Variants in MARCHF1 observed in about 807,000 individuals in gnomAD.
MARCHF1 encodes membrane associated ring-CH-type finger 1, also known as E3 ubiquitin-protein ligase MARCHF1.
In MARCHF1, 40 loss-of-function variants were observed where a neutral mutation model predicts 54.2. The observed-to-expected ratio is 0.74, with a 90% confidence interval of 0.57 to 0.96. The LOEUF (loss-of-function observed/expected upper bound fraction) is 0.96. MARCHF1 is among the 40% of genes least tolerant of loss of function. MARCHF1 has a pLI of 0.00. For synonymous variants in MARCHF1, 236 were observed against 236.3 expected, an observed-to-expected ratio of 1.00 and a Z score of 0.01; for missense variants, 586 against 656.5, an observed-to-expected ratio of 0.89 and a Z score of 1.17.
chr4:163,653,505 C>T lies in MARCHF1; in HGVS notation c.163-40112G>A, dbSNP rs148980575. Among the ~76,000 whole-genome samples the T allele has an allele frequency of 1.7e-4, 26 of 151,702 alleles. No homozygotes were observed. The East Asian group carries it at 3.7e-3, about 22-fold the overall frequency. ...AAATGGGAGACTAGTTATCAGGTTA[C>T]GGTAACTGTAGCATGAGATATAGGA... On this transcript the variant is annotated intron_variant, in intron 5 of 9. Coordinates refer to ENST00000514618, the MANE Select transcript of MARCHF1 (RefSeq NM_001394959.1).
chr4:164,348,638 AT>A (rs1299290902), intron 1 of MARCHF1, among the ~76,000 whole-genome samples: 3 of 152,180 alleles, frequency 2.0e-5, no homozygotes, highest in Admixed American at 6.5e-5. Flanking sequence ...TATCAGTATC[AT>A]TTCTAAATAG....
chr4:163,626,182 G>C (rs1255875031), intron 5 of MARCHF1, among the ~76,000 whole-genome samples: 3 of 152,202 alleles, frequency 2.0e-5, no homozygotes, highest in Non-Finnish European at 4.4e-5. Context: ...ATTTATATCA[G>C]CAGTATAATT....
At chr4:164,022,582 C>T (rs555727116) in intron 2 of MARCHF1, among the ~76,000 whole-genome samples, 2 of 152,316 alleles carry the variant, frequency 1.3e-5, no homozygotes, top group South Asian at 4.1e-4. Context: ...CTGTATCTAC[C>T]ACAGACATTT....
chr4:164,069,556 C>T (rs1433746532), intron 2 of MARCHF1, among the ~76,000 whole-genome samples: 3 of 152,088 alleles, frequency 2.0e-5, no homozygotes, highest in East Asian at 1.9e-4. Context: ...TAACACTCAT[C>T]GAGAAGGTCT....
chr4:164,115,967 A>T (rs948683245), intron 1 of MARCHF1, among the ~76,000 whole-genome samples: 2 of 132,746 alleles, frequency 1.5e-5, no homozygotes, highest in Admixed American at 8.0e-5. Context: ...CCTATCTCTA[A>T]TTATGAATAC....
At chr4:163,599,948 T>C (rs1740903818) in intron 7 of MARCHF1, among the ~76,000 whole-genome samples, 1 of 152,206 alleles carries the variant, frequency 6.6e-6, no homozygotes, top group East Asian at 1.9e-4. Flanking sequence ...CTACTGTATT[T>C]TCTATTTCCA....
At chr4:163,707,107 T>C (rs1182317742) in intron 4 of MARCHF1, among the ~76,000 whole-genome samples, 1 of 152,082 alleles carries the variant, frequency 6.6e-6, no homozygotes, top group Non-Finnish European at 1.5e-5. Flanking sequence ...GATGGAACAA[T>C]GTCTTAAATG....
chr4:163,701,605 T>C lies in MARCHF1; in HGVS notation c.112-742A>G, dbSNP rs1744810761. 2.6e-5 allele frequency among the ~76,000 whole-genome samples: 4 copies of C among 152,342 alleles called. No homozygotes were observed. The South Asian group carries it at 8.3e-4, about 32-fold the overall frequency. On this transcript the variant is annotated intron_variant, in intron 4 of 9. Coordinates refer to ENST00000514618, the MANE Select transcript of MARCHF1 (RefSeq NM_001394959.1). ...AGAGACATTGTGTTCCTGAAAATTA[T>C]ATAGCTACTTTTTCTACTCTGCCAA...
intron 1 of MARCHF1, chr4:164,197,237 G>T: frequency 6.2e-7 from 1 of 1,610,650 alleles, no homozygotes; most frequent in Non-Finnish European, 8.5e-7. Context: ...CCCTCCACGT[G>T]GTCCTCAATA....
At chr4:163,673,557 T>C (rs116339073) in intron 5 of MARCHF1, among the ~76,000 whole-genome samples, 7,599 of 152,206 alleles carry the variant, frequency 0.05, 215 homozygotes, top group Middle Eastern at 0.075. Flanking sequence ...TGTTTTTATA[T>C]TAACCCTAAA....
At chr4:163,915,725 G>A (rs1443735008) in intron 3 of MARCHF1, among the ~76,000 whole-genome samples, 1 of 152,030 alleles carries the variant, frequency 6.6e-6, no homozygotes, top group South Asian at 2.1e-4. Flanking sequence ...TCTAACAATA[G>A]AGTCTAATTA....
chr4:164,283,880 G>A (rs1258177760), intron 1 of MARCHF1, among the ~76,000 whole-genome samples: 2 of 150,918 alleles, frequency 1.3e-5, no homozygotes, highest in African/African-American at 4.9e-5. Flanking sequence ...TTGATCTAAT[G>A]TATTCTATTT....
intron 8 of MARCHF1, among the ~76,000 whole-genome samples, chr4:163,583,025 C>A (rs1740279666): frequency 6.6e-6 from 1 of 152,168 alleles, no homozygotes; most frequent in Non-Finnish European, 1.5e-5. Flanking sequence ...GAACTGAATG[C>A]ACGTTCCTCA....
intron 1 of MARCHF1, among the ~76,000 whole-genome samples, chr4:164,264,977 C>T (rs1407449328): frequency 2.0e-5 from 3 of 149,388 alleles, no homozygotes; most frequent in East Asian, 1.9e-4. Context: ...CATTGTTGTG[C>T]GTTAAATTGT....
intron 3 of MARCHF1, among the ~76,000 whole-genome samples, chr4:163,884,174 A>G (rs896151205): frequency 1.3e-5 from 2 of 152,132 alleles, no homozygotes; most frequent in African/African-American, 4.8e-5. Flanking sequence ...AGTTTTTAGA[A>G]TGATCCAGCT....
At chr4:163,733,948 A>G (rs1745956156) in intron 4 of MARCHF1, among the ~76,000 whole-genome samples, 1 of 152,182 alleles carries the variant, frequency 6.6e-6, no homozygotes, top group South Asian at 2.1e-4. Context: ...AGAAATTTTG[A>G]TGCTCAATAA....
chr4:164,303,590 A>T (rs1176459666), intron 1 of MARCHF1, among the ~76,000 whole-genome samples: 1 of 152,314 alleles, frequency 6.6e-6, no homozygotes, highest in African/African-American at 2.4e-5. Context: ...GAGTTAATAA[A>T]TTACCATTCA....
chr4:163,581,269 G>A (rs888112427), intron 8 of MARCHF1, among the ~76,000 whole-genome samples: 1 of 152,166 alleles, frequency 6.6e-6, no homozygotes, highest in Non-Finnish European at 1.5e-5. Flanking sequence ...GTCTTGATAT[G>A]CCTACATAAA....
At chr4:164,037,483 C>T (rs1251094194) in intron 2 of MARCHF1, among the ~76,000 whole-genome samples, 1 of 151,960 alleles carries the variant, frequency 6.6e-6, no homozygotes, top group East Asian at 1.9e-4. Flanking sequence ...ATCAGCAGCC[C>T]CAGATAAAAT....
Sources: gnomAD v4.1 joint callset for allele counts (sites outside exome capture counted in the v4.1 genomes callset) on GRCh38, gnomAD v4.1.1 for gene constraint, MANE v1.5 for transcripts, NCBI Gene and HGNC (gene_info 2026-07-23, HGNC 2026-07-21) for gene names.